The following DHX36 variants were observed in gnomAD, a reference collection of about 807,000 sequenced individuals.
The protein encoded by DHX36 is DEAH-box helicase 36, also known as ATP-dependent DNA/RNA helicase DHX36.
Under a neutral mutation model 139.0 loss-of-function variants are expected in DHX36, and 50 were observed. That is an observed-to-expected ratio of 0.36 (90% CI 0.29 to 0.46). The LOEUF (loss-of-function observed/expected upper bound fraction) is 0.46. DHX36 is among the 20% of genes least tolerant of loss of function. DHX36 has a pLI of 1.00. For missense variants in DHX36, 1,024 were observed against 1,211.3 expected (o/e 0.85, Z 2.29); for synonymous variants, 425 against 401.9 (o/e 1.06, Z -0.69).
chr3:154,276,456 C>CGAT, intron 24 of DHX36, 100 bp from the exon 25 acceptor site: 1 of 1,145,600 alleles, frequency 8.7e-7, no homozygotes, highest in East Asian at 2.5e-5. Context: ...GTTTCACAAG[C>CGAT]GATGGCTCAA....
At position 154,284,895 on chromosome 3, in the gene DHX36, A is replaced by G. The variant is rs16823843; in HGVS notation, c.2124T>C (p.Phe708=). The G allele has an allele frequency of 6.9e-3, 11,063 of 1,614,112 alleles. 662 individuals are homozygous for G. The African/African-American group carries it at 0.13, about 18-fold the overall frequency. ...VEPHIGKMIL[F]GALFCCLDPV... is the part of the protein sequence containing the mutation. The stretch of plus-strand genomic sequence containing the variant: ...GGTCTAAGCAGCAGAACAGTGCTCC[A>G]AAAAGAATCATTTTTCCAATATGTG... The change falls in exon 18 of 25, where the codon TTT becomes TTC. Residue 708 remains phenylalanine, a synonymous_variant. Coordinates refer to ENST00000496811, the MANE Select transcript of DHX36 (RefSeq NM_020865.3).
In DHX36 at chr3:154,324,166, G is replaced by A. The variant is rs1280042693; in HGVS notation, c.243+8C>T. 7 of 1,606,228 alleles carry A rather than the reference G, an allele frequency of 4.4e-6. No individual in the cohort carries two copies. Among genetic ancestry groups the A allele is most frequent in the Non-Finnish European group, 5.1e-6 (6 of 1,175,118 alleles). On this transcript the variant is annotated splice_region_variant and intron_variant, in intron 1 of 24. Coordinates refer to ENST00000496811, the MANE Select transcript of DHX36 (RefSeq NM_020865.3). ...CCTCATCCTCTCCACTACTGAATCC[G>A]AGATTACCTCTTGCCTCTCCGCTTC...
intron 17 of DHX36, among the ~76,000 whole-genome samples, chr3:154,287,307 A>G (rs532630459): frequency 6.6e-6 from 1 of 152,350 alleles, no homozygotes; most frequent in South Asian, 2.1e-4. Flanking sequence ...GAAAAGACTT[A>G]TTAAAGTGTA....
At chr3:154,315,316 A>G in intron 2 of DHX36, 36 bp from the exon 3 acceptor site, 2 of 1,485,294 alleles carry the variant, frequency 1.3e-6, no homozygotes. Context: ...GAAAGGTCAG[A>G]TGAGCCACTC....
chr3:154,285,785 A>T (rs1711525679), intron 17 of DHX36, among the ~76,000 whole-genome samples: 1 of 152,122 alleles, frequency 6.6e-6, no homozygotes, highest in African/African-American at 2.4e-5. Flanking sequence ...TTTACTAAAC[A>T]GTTTTGGAGA....
intron 15 of DHX36, among the ~76,000 whole-genome samples, chr3:154,291,789 C>T (rs1711825747): frequency 6.6e-6 from 1 of 152,140 alleles, no homozygotes; most frequent in African/African-American, 2.4e-5. Flanking sequence ...AAGAAAAACC[C>T]TCTTCTGAAA....
intron 19 of DHX36, among the ~76,000 whole-genome samples, 193 bp from the exon 20 acceptor site, chr3:154,283,464 A>C (rs1012467850): frequency 6.6e-6 from 1 of 152,136 alleles, no homozygotes; most frequent in African/African-American, 2.4e-5. Context: ...TTAAGAGACA[A>C]CCACCACTGA....
chr3:154,292,812 ATTTTT>A, intron 14 of DHX36, 118 bp from the exon 15 acceptor site: 2 of 1,313,776 alleles, frequency 1.5e-6, no homozygotes, highest in African/African-American at 1.5e-5. Context: ...ATTTCAGAGC[ATTTTT>A]TTTTTATTAC....
At chr3:154,322,152 T>TA (rs897124640) in intron 1 of DHX36, among the ~76,000 whole-genome samples, 35 of 152,040 alleles carry the variant, frequency 2.3e-4, no homozygotes, top group Non-Finnish European at 8.8e-5. Flanking sequence ...AAAGTATGCC[T>TA]AAAAAAACTA....
chr3:154,310,040 T>G (rs1712671083), intron 4 of DHX36, among the ~76,000 whole-genome samples: 1 of 152,114 alleles, frequency 6.6e-6, no homozygotes, highest in Non-Finnish European at 1.5e-5. Flanking sequence ...CAAAGCACTG[T>G]TAAAGAAAAA....
intron 20 of DHX36, 31 bp downstream of exon 20, chr3:154,283,157 A>G: frequency 6.6e-7 from 1 of 1,508,966 alleles, no homozygotes; most frequent in Admixed American, 1.7e-5. Context: ...TCTAGCATAT[A>G]TGATAATTAC....
chr3:154,294,565 T>A (rs1436469392), intron 13 of DHX36, among the ~76,000 whole-genome samples: 1 of 152,118 alleles, frequency 6.6e-6, no homozygotes, highest in African/African-American at 2.4e-5. Flanking sequence ...GAATCAAGAG[T>A]TTTCTTTCTT....
At position 154,273,882 on chromosome 3, in the gene DHX36, G is replaced by C. The variant is rs1365381384; in HGVS notation, c.*2289C>G. On this transcript the variant is annotated 3_prime_UTR_variant, in exon 25 of 25. Transcript: ENST00000496811. The stretch of plus-strand genomic sequence containing the variant: ...GATGCTTTTCCTGTTTCTTTCTGCA[G>C]CATGTCCAGCACTTTTACACCTTCT... 1 of 152,170 alleles carries C rather than the reference G, an allele frequency of 6.6e-6. No homozygotes were observed. The highest frequency in any genetic ancestry group is 1.5e-5 in the Non-Finnish European group (1 of 68,020). 9.4% of individuals were successfully genotyped at this position (152,170 alleles called of 1,614,324 possible).
At position 154,276,247 on chromosome 3, in the gene DHX36, A is replaced by G; in HGVS notation, c.2951T>C (p.Ile984Thr). Reference sequence around the variant, plus strand: ...CTTTTCCTGTGTTTTGATCAAGTCTATAATAGCTGACAGTACTGCACAGTC... The same window carrying G: ...CTTTTCCTGTGTTTTGATCAAGTCTGTAATAGCTGACAGTACTGCACAGTC... ...SRDCAVLSAI[I>T]DLIKTQEKAT... The change falls in exon 25 of 25, where the codon ATA (isoleucine) becomes ACA (threonine). Residue 984 changes from isoleucine to threonine, a missense_variant. Around this residue, in one of 4 missense-constraint regions of DHX36, gnomAD observed 470 missense variants for 616.2 expected, o/e 0.76. Coordinates refer to ENST00000496811, the MANE Select transcript of DHX36 (RefSeq NM_020865.3). 1.2e-5 allele frequency: 19 copies of G among 1,613,940 alleles called. 1 individual carries two copies. The highest frequency in any genetic ancestry group is 2.2e-5 in the East Asian group (1 of 44,860).
intron 1 of DHX36, among the ~76,000 whole-genome samples, chr3:154,320,998 G>A (rs770345848): frequency 1.1e-4 from 16 of 152,164 alleles, no homozygotes; most frequent in African/African-American, 3.1e-4. Flanking sequence ...TCAAGGCCCC[G>A]CGTATTTTTC....
At chr3:154,296,108 A>C (rs908238935) in intron 12 of DHX36, among the ~76,000 whole-genome samples, 8 of 152,182 alleles carry the variant, frequency 5.3e-5, no homozygotes, top group African/African-American at 1.9e-4. Context: ...ATAATATCTA[A>C]ATTTTTAGAG....
intron 15 of DHX36, among the ~76,000 whole-genome samples, chr3:154,291,161 A>AAAAG: frequency 6.7e-6 from 1 of 148,316 alleles, no homozygotes; most frequent in African/African-American, 2.5e-5. Context: ...AAAAAAAAAA[A>AAAAG]GAGTACCTCC....
intron 12 of DHX36, among the ~76,000 whole-genome samples, chr3:154,295,561 C>T (rs980710506): frequency 5.3e-5 from 8 of 152,136 alleles, no homozygotes; most frequent in Admixed American, 1.3e-4. Flanking sequence ...TACAAACAGA[C>T]CAACTTAATT....
chr3:154,322,218 G>C (rs1246957072), intron 1 of DHX36, among the ~76,000 whole-genome samples: 2 of 152,182 alleles, frequency 1.3e-5, no homozygotes, highest in Admixed American at 6.5e-5. Context: ...CGGTAAACCT[G>C]TTACGTTGAA....
Sources: allele counts gnomAD v4.1 joint callset (sites outside exome capture counted in the v4.1 genomes callset), GRCh38; gene constraint gnomAD v4.1.1; regional missense constraint gnomAD v4.1.1; transcripts MANE v1.5; gene names NCBI Gene and HGNC (gene_info 2026-07-23, HGNC 2026-07-21).